The following GNG7 variants were observed in gnomAD, a reference collection of about 807,000 sequenced individuals.
GNG7 encodes guanine nucleotide-binding protein G(I)/G(S)/G(O) subunit gamma-7.
In GNG7, 1 loss-of-function variant was observed where a neutral mutation model predicts 4.0. That is an observed-to-expected ratio of 0.25 (90% CI 0.09 to 1.18). GNG7 has a LOEUF of 1.18. Ranked by LOEUF, GNG7 falls within the 50% of genes most tolerant of loss-of-function variation. The probability of loss-of-function intolerance (pLI) is 0.50; values close to 1 mark genes in which losing one functional copy is unlikely to be tolerated. For missense variants in GNG7, 86 were observed against 91.9 expected, an observed-to-expected ratio of 0.94 and a Z score of 0.26; for synonymous variants, 34 against 36.9, an observed-to-expected ratio of 0.92 and a Z score of 0.29.
At chr19:2,555,669 G>A (rs993722101) in intron 2 of GNG7, among the ~76,000 whole-genome samples, 3 of 152,204 alleles carry the variant, frequency 2.0e-5, no homozygotes, top group Non-Finnish European at 2.9e-5. Flanking sequence ...CCCGAATGGA[G>A]GAAGTGACAG....
chr19:2,654,946 G>A (rs192744700), intron 1 of GNG7, among the ~76,000 whole-genome samples: 1 of 152,256 alleles, frequency 6.6e-6, no homozygotes, highest in Admixed American at 6.5e-5. Context: ...GTGTCCCCTG[G>A]GAGGCAGAGG....
intron 1 of GNG7, among the ~76,000 whole-genome samples, chr19:2,671,968 A>G (rs765400280): frequency 4.2e-5 from 6 of 141,622 alleles, no homozygotes; most frequent in Non-Finnish European, 6.0e-5. Context: ...GGAGAATGGC[A>G]TGAACCCGGG....
intron 3 of GNG7, among the ~76,000 whole-genome samples, chr19:2,524,694 A>G (rs982982078): frequency 6.6e-6 from 1 of 152,190 alleles, no homozygotes; most frequent in African/African-American, 2.4e-5. Context: ...GTGCATTTGC[A>G]TACGTGCATG....
intron 1 of GNG7, among the ~76,000 whole-genome samples, chr19:2,679,224 T>C (rs1983669659): frequency 6.6e-6 from 1 of 151,996 alleles, no homozygotes; most frequent in African/African-American, 2.4e-5. Flanking sequence ...TAATTTTTAA[T>C]AAATTTTGTA....
chr19:2,646,021 G>A (rs532421505), intron 2 of GNG7, among the ~76,000 whole-genome samples: 5 of 152,190 alleles, frequency 3.3e-5, no homozygotes, highest in South Asian at 2.1e-4. Flanking sequence ...TCCCTGCCTC[G>A]TGGGCGGGAA....
In GNG7 at chr19:2,514,970, G is replaced by C. The variant is rs1599367791; in HGVS notation, c.*52C>G. ...CCTGCCTGAGACAGAGACAGAGACA[G>C]AGAGAGAGAGAGAGAAAGAGAGAGA... is the stretch of plus-strand genomic sequence containing the variant. On this transcript the variant is annotated 3_prime_UTR_variant, in exon 5 of 5. Transcript: ENST00000382159. 6.4e-5 allele frequency: 20 copies of C among 312,388 alleles called. 1 individual carries two copies. In the South Asian group the frequency reaches 1.4e-3, roughly 22 times the overall value. 19.4% of individuals were successfully genotyped at this position (312,388 alleles called of 1,614,324 possible). A position where few individuals can be genotyped will look rare whatever the true frequency, so the allele number is the denominator to read the frequency against.
chr19:2,638,972 T>C (rs1316025825), intron 2 of GNG7, among the ~76,000 whole-genome samples: 1 of 152,168 alleles, frequency 6.6e-6, no homozygotes, highest in Non-Finnish European at 1.5e-5. Context: ...GTGCGGTGGC[T>C]CACACCTGTA....
At chr19:2,580,907 G>A (rs1980483299) in intron 2 of GNG7, among the ~76,000 whole-genome samples, 1 of 152,070 alleles carries the variant, frequency 6.6e-6, no homozygotes, top group Non-Finnish European at 1.5e-5. Context: ...TGGGATTACA[G>A]GTGTGCACCA....
rs373440106 is a variant in GNG7, at chr19:2,684,084, G to A, written c.-135+18562C>T. ...GCCTGTAATCGCAGCACTTGGAGAG[G>A]CTGAAGCCAGGTGGCTCACTTGAGG... On this transcript the variant is annotated intron_variant, in intron 1 of 4. Transcript: ENST00000382159. Among the ~76,000 whole-genome samples the A allele has an allele frequency of 4.6e-5, 7 of 151,888 alleles. No individual in the cohort carries two copies. The East Asian group carries it at 1.2e-3, about 25-fold the overall frequency.
intron 1 of GNG7, among the ~76,000 whole-genome samples, chr19:2,668,039 GAA>G (rs1983354057): frequency 6.6e-6 from 1 of 152,194 alleles, no homozygotes. Context: ...GAGGAAATCT[GAA>G]CAGAGTGCAG....
At chr19:2,642,480 C>A in intron 2 of GNG7, 1 of 342,690 alleles carries the variant, frequency 2.9e-6, no homozygotes, top group East Asian at 7.7e-5. Context: ...ATCCTCCCAC[C>A]TCAGCCTCTT....
At chr19:2,671,718 A>G (rs1983457210) in intron 1 of GNG7, among the ~76,000 whole-genome samples, 2 of 151,124 alleles carry the variant, frequency 1.3e-5, no homozygotes, top group African/African-American at 2.4e-5. Context: ...TCCTCCAACT[A>G]CTCTGAGAAG....
At position 2,653,084 on chromosome 19, in the gene GNG7, C is replaced by T. The variant is rs1982872899; in HGVS notation, c.-134-6804G>A. On this transcript the variant is annotated intron_variant, in intron 1 of 4. Transcript: ENST00000382159. This position sits in a 1 kb window ranked among gnomAD's most constrained non-coding sequence, Gnocchi z 4.8. Reference sequence around the variant, plus strand: ...CCAGCCCGGGCAACAGAGCAAGACTCTGACTCAAATAAATAAATCAAAATA... The same window carrying T: ...CCAGCCCGGGCAACAGAGCAAGACTTTGACTCAAATAAATAAATCAAAATA... 6.6e-6 allele frequency among the ~76,000 whole-genome samples: 1 copy of T among 152,096 alleles called. No individual in the cohort carries two copies. Among genetic ancestry groups the T allele is most frequent in the Non-Finnish European group, 1.5e-5 (1 of 68,024 alleles).
intron 1 of GNG7, among the ~76,000 whole-genome samples, chr19:2,652,642 C>T (rs1352732742): frequency 6.6e-6 from 1 of 150,990 alleles, no homozygotes; most frequent in Non-Finnish European, 1.5e-5. Flanking sequence ...CAATCAAAAC[C>T]TCCCAAATAC....
intron 1 of GNG7, among the ~76,000 whole-genome samples, chr19:2,661,302 G>GAAAGAAAGAGAA: frequency 1.4e-5 from 1 of 73,124 alleles, no homozygotes; most frequent in African/African-American, 5.4e-5. Context: ...AAGAAAGAAA[G>GAAAGAAAGAGAA]AGAAAGAAAG....
At chr19:2,658,132 G>A (rs973722465) in intron 1 of GNG7, among the ~76,000 whole-genome samples, 1 of 152,000 alleles carries the variant, frequency 6.6e-6, no homozygotes, top group African/African-American at 2.4e-5. Flanking sequence ...TCTTTGTCTT[G>A]TGTCTTTATT....
rs374379787 is a variant in GNG7, at chr19:2,665,304, G to A, written c.-134-19024C>T. ...CGTGACCTCCAGCCACTGCATGCCC[G>A]GAGCACTTCTCAATGGTGACAGCCA... is the stretch of plus-strand genomic sequence containing the variant. On this transcript the variant is annotated intron_variant, in intron 1 of 4. Transcript: ENST00000382159. 1.5e-4 allele frequency among the ~76,000 whole-genome samples: 23 copies of A among 151,526 alleles called. No individual in the cohort carries two copies. The South Asian group carries it at 3.1e-3, about 21-fold the overall frequency.
rs182308482 is a variant in GNG7, at chr19:2,570,091, A to G, written c.-77-14903T>C. 2.8e-4 allele frequency among the ~76,000 whole-genome samples: 43 copies of G among 152,146 alleles called. No homozygotes were observed. The East Asian group carries it at 7.9e-3, about 28-fold the overall frequency. ...ATGGCTTGGTGCTCTCCCCTCGGGA[A>G]TGAGCGAGTTCCCACTCTGTTAGTT... is the stretch of plus-strand genomic sequence containing the variant. On this transcript the variant is annotated intron_variant, in intron 2 of 4. Transcript: ENST00000382159.
chr19:2,677,253 A>ATTTTTTT (rs60983729), intron 1 of GNG7, among the ~76,000 whole-genome samples: 307 of 145,572 alleles, frequency 2.1e-3, no homozygotes, highest in African/African-American at 7.6e-3. Flanking sequence ...AGAGAATTCC[A>ATTTTTTT]TTTTTTTTTT....
Sources: allele counts gnomAD v4.1 joint callset (sites outside exome capture counted in the v4.1 genomes callset), GRCh38; gene constraint gnomAD v4.1.1; non-coding constraint Gnocchi (gnomAD v3.1); transcripts MANE v1.5; gene names NCBI Gene and HGNC (gene_info 2026-07-23, HGNC 2026-07-21).